The following DPYSL2 variants were observed in gnomAD, a reference collection of about 807,000 sequenced individuals.
The protein encoded by DPYSL2 is dihydropyrimidinase-related protein 2.
In DPYSL2, 13 loss-of-function variants were observed where a neutral mutation model predicts 69.9. The ratio of observed to expected loss-of-function variants is 0.19; its 90% CI spans 0.12 to 0.30. The LOEUF is 0.30. DPYSL2 is among the 10% of genes least tolerant of loss of function. The pLI is 1.00. For missense variants in DPYSL2, 587 were observed against 918.9 expected (o/e 0.64, Z 4.67); for synonymous variants, 326 against 359.1 (o/e 0.91, Z 1.04).
At chr8:26,548,301 G>A (rs546080443) in intron 1 of DPYSL2, 15 of 225,842 alleles carry the variant, frequency 6.6e-5, no homozygotes, top group African/African-American at 3.2e-4. Context: ...CGGGGACACC[G>A]TGCTTGAACT....
At chr8:26,618,133 G>T (rs557986838) in intron 3 of DPYSL2, among the ~76,000 whole-genome samples, 1 of 152,184 alleles carries the variant, frequency 6.6e-6, no homozygotes, top group African/African-American at 2.4e-5. Flanking sequence ...ACTGTCCTGG[G>T]GCATGTTCCT....
At position 26,646,572 on chromosome 8, in the gene DPYSL2, G is replaced by A. The variant is rs967623376; in HGVS notation, c.1426-1058G>A. On this transcript the variant is annotated intron_variant, in intron 10 of 13. Coordinates refer to ENST00000521913, the MANE Select transcript of DPYSL2 (RefSeq NM_001197293.3). ...TACTTTTTTCTCCCTCTTAATACCAGCTTATTTCCTTTGACCAGTTTTTTA... is the reference window on the plus strand; with the variant it reads ...TACTTTTTTCTCCCTCTTAATACCAACTTATTTCCTTTGACCAGTTTTTTA... 2.6e-5 allele frequency among the ~76,000 whole-genome samples: 4 copies of A among 152,100 alleles called. No homozygotes were observed. In the South Asian group the frequency reaches 8.3e-4, roughly 31 times the overall value.
intron 3 of DPYSL2, among the ~76,000 whole-genome samples, chr8:26,590,777 G>A (rs1286192291): frequency 4.6e-5 from 7 of 152,260 alleles, no homozygotes; most frequent in Non-Finnish European, 7.3e-5. Context: ...TGCCTGGTGC[G>A]GTACAGGGGA....
At chr8:26,623,019 T>C (rs1226836412) in intron 3 of DPYSL2, among the ~76,000 whole-genome samples, 2 of 152,206 alleles carry the variant, frequency 1.3e-5, no homozygotes, top group African/African-American at 4.8e-5. Context: ...GGACAAATCA[T>C]TTCAGTTTGT....
In DPYSL2 at chr8:26,583,871, C is replaced by G. The variant is rs560847160; in HGVS notation, c.516C>G (p.Pro172=). The change falls in exon 3 of 14, where the codon CCC becomes CCG. Residue 172 remains proline (P), a synonymous_variant. Coordinates refer to ENST00000521913, the MANE Select transcript of DPYSL2 (RefSeq NM_001197293.3). The part of the protein sequence containing the change: ...TIEAHSRMVI[P]GGIDVHTRFQ... ...AGGCCCACTCCCGGATGGTGATCCCCGGAGGAATTGACGTCCACACTCGTT... is the reference window on the plus strand; with the variant it reads ...AGGCCCACTCCCGGATGGTGATCCCGGGAGGAATTGACGTCCACACTCGTT... 6.2e-7 allele frequency: 1 copy of G among 1,614,136 alleles called. No individual in the cohort carries two copies. The highest frequency in any genetic ancestry group is 8.5e-7 in the Non-Finnish European group (1 of 1,180,012).
At chr8:26,589,572 T>C (rs1477900331) in intron 3 of DPYSL2, among the ~76,000 whole-genome samples, 1 of 152,224 alleles carries the variant, frequency 6.6e-6, no homozygotes, top group Admixed American at 6.5e-5. Flanking sequence ...CGACGTGGAC[T>C]GTGTTCACCC....
chr8:26,606,696 C>T (rs1317501314), intron 3 of DPYSL2, among the ~76,000 whole-genome samples: 2 of 152,052 alleles, frequency 1.3e-5, no homozygotes, highest in Non-Finnish European at 2.9e-5. Context: ...AAGTTTTTAT[C>T]TACTAAACTT....
intron 7 of DPYSL2, among the ~76,000 whole-genome samples, chr8:26,629,327 CAT>C (rs1309531737): frequency 3.3e-5 from 5 of 150,456 alleles, no homozygotes; most frequent in Non-Finnish European, 5.9e-5. Context: ...CACACATACA[CAT>C]AGACACACAG....
intron 1 of DPYSL2, among the ~76,000 whole-genome samples, chr8:26,529,422 T>C (rs970213319): frequency 1.3e-5 from 2 of 152,076 alleles, no homozygotes; most frequent in African/African-American, 4.8e-5. Context: ...CTTGAACTCC[T>C]GGGCTCATGT....
intron 3 of DPYSL2, among the ~76,000 whole-genome samples, chr8:26,607,548 G>A (rs1802133009): frequency 6.6e-6 from 1 of 151,936 alleles, no homozygotes; most frequent in Admixed American, 6.6e-5. Context: ...CCAGCACTTT[G>A]GGAGGCTGAG....
chr8:26,568,011 T>G (rs891916510), intron 1 of DPYSL2, among the ~76,000 whole-genome samples: 2 of 152,212 alleles, frequency 1.3e-5, no homozygotes, highest in African/African-American at 4.8e-5. Context: ...GGTTTGGCAG[T>G]GCCCACAGGA....
intron 1 of DPYSL2, among the ~76,000 whole-genome samples, chr8:26,534,462 C>T (rs934261294): frequency 1.3e-5 from 2 of 151,688 alleles, no homozygotes; most frequent in African/African-American, 4.8e-5. Flanking sequence ...CCCTGCCTCT[C>T]ATTTACTTCT....
Position 26,541,194 on chromosome 8 carries a change from A to G in DPYSL2, c.354+26515A>G, listed in dbSNP as rs889204680. Among the ~76,000 whole-genome samples the G allele has an allele frequency of 2.6e-5, 4 of 152,328 alleles. No individual in the cohort carries two copies. The East Asian group carries it at 5.8e-4, about 22-fold the overall frequency. ...CATTTTTAAGAGAATTTCTGTAAGAATATTAGTGGATTTCTTGGCAGAAAC... is the reference window on the plus strand; with the variant it reads ...CATTTTTAAGAGAATTTCTGTAAGAGTATTAGTGGATTTCTTGGCAGAAAC... On this transcript the variant is annotated intron_variant, in intron 1 of 13. Coordinates refer to ENST00000521913, the MANE Select transcript of DPYSL2 (RefSeq NM_001197293.3).
At position 26,546,921 on chromosome 8, in the gene DPYSL2, CAAAAAAAAAAAAAAAAA is replaced by C. The variant is rs61360009; in HGVS notation, c.354+32256_354+32272del. Among the ~76,000 whole-genome samples, 9 of 46,208 alleles carry C rather than the reference CAAAAAAAAAAAAAAAAA, an allele frequency of 1.9e-4. 1 individual carries two copies. The South Asian group carries it at 6.7e-3, about 34-fold the overall frequency. 30.3% of individuals were successfully genotyped at this position (46,208 alleles called of 152,430 possible). A position where few individuals can be genotyped will look rare whatever the true frequency, so the allele number is the denominator to read the frequency against. ...TGGGCGACTGAGGGAGACTCAGTCTCAAAAAAAAAAAAAAAAAAAAAAAAAAAAAAGAAAAGAAAAAT... is the reference window on the plus strand; with the variant it reads ...TGGGCGACTGAGGGAGACTCAGTCTCAAAAAAAAAAAAAGAAAAGAAAAAT... On this transcript the variant is annotated intron_variant, in intron 1 of 13. Transcript: ENST00000521913.
At chr8:26,567,355 C>CCCATCCATCCATCCATCCAT (rs369652545) in intron 1 of DPYSL2, among the ~76,000 whole-genome samples, 3 of 149,844 alleles carry the variant, frequency 2.0e-5, no homozygotes, top group African/African-American at 7.4e-5. Context: ...CATACATCTG[C>CCCATCCATCCATCCATCCAT]CCATCCATCC....
In DPYSL2 at chr8:26,647,525, A is replaced by G. The variant is rs557700474; in HGVS notation, c.1426-105A>G. The G allele has an allele frequency of 7.3e-6, 9 of 1,237,948 alleles. No individual in the cohort carries two copies. The highest frequency in any genetic ancestry group is 1.0e-5 in the Non-Finnish European group (9 of 888,032). The allele number at this position is 1,237,948 out of a possible 1,614,324, so 76.7% of individuals were successfully genotyped here. A position where few individuals can be genotyped will look rare whatever the true frequency, so the allele number is the denominator to read the frequency against. ...TTTCACTTGGCACAACGCTCTTGAC[A>G]TCCATCTAAGCTGTCGTGTGTATCA... is the stretch of plus-strand genomic sequence containing the variant. On this transcript the variant is annotated intron_variant, in intron 10 of 13. Transcript: ENST00000521913. The surrounding 1 kb of genome is among the most constrained non-coding windows in gnomAD (Gnocchi z 5.1).
chr8:26,631,433 G>A (rs565326125), intron 7 of DPYSL2, among the ~76,000 whole-genome samples: 38 of 152,274 alleles, frequency 2.5e-4, no homozygotes, highest in African/African-American at 8.7e-4. Flanking sequence ...CTGCATGGGG[G>A]AAACCTTCCC....
chr8:26,626,279 G>A lies in DPYSL2; in HGVS notation c.794-338G>A, dbSNP rs142837739. Among the ~76,000 whole-genome samples the A allele has an allele frequency of 2.6e-5, 4 of 152,236 alleles. No individual in the cohort carries two copies. The highest frequency in any genetic ancestry group is 9.6e-5 in the African/African-American group (4 of 41,526). On this transcript the variant is annotated intron_variant, in intron 4 of 13. Transcript: ENST00000521913. The surrounding 1 kb of genome is among the most constrained non-coding windows in gnomAD (Gnocchi z 4.3). ...TTTGCTTCCACCTTTTGGCTATTGT[G>A]AATAATTCTGCTATGAACATGGATG... is the stretch of plus-strand genomic sequence containing the variant.
intron 7 of DPYSL2, among the ~76,000 whole-genome samples, chr8:26,631,440 TC>T (rs1205674125): frequency 6.6e-6 from 1 of 152,132 alleles, no homozygotes; most frequent in Non-Finnish European, 1.5e-5. Context: ...GGGGAAACCT[TC>T]CCCATAATCC....
Sources: allele counts gnomAD v4.1 joint callset (sites outside exome capture counted in the v4.1 genomes callset), GRCh38; gene constraint gnomAD v4.1.1; non-coding constraint Gnocchi (gnomAD v3.1); transcripts MANE v1.5; gene names NCBI Gene and HGNC (gene_info 2026-07-23, HGNC 2026-07-21).